Variants in DEPDC5 observed in about 807,000 individuals in gnomAD.
DEPDC5 encodes the protein GATOR1 complex protein DEPDC5.
In DEPDC5, 73 loss-of-function variants were observed where a neutral mutation model predicts 217.3. The ratio of observed to expected loss-of-function variants is 0.34; its 90% confidence interval spans 0.28 to 0.41. The LOEUF (loss-of-function observed/expected upper bound fraction) is 0.41, where lower values mean the gene tolerates loss of function less well. DEPDC5 is among the 10% of genes least tolerant of loss of function. DEPDC5 has a pLI of 1.00. For missense variants in DEPDC5, 1,675 were observed against 2,070.1 expected, an observed-to-expected ratio of 0.81 and a Z score of 3.70; for synonymous variants, 733 against 756.7, an observed-to-expected ratio of 0.97 and a Z score of 0.51.
At chr22:31,812,493 C>T (rs1331838710) in intron 20 of DEPDC5, among the ~76,000 whole-genome samples, 1 of 141,740 alleles carries the variant, frequency 7.1e-6, no homozygotes, top group African/African-American at 2.6e-5. Flanking sequence ...GGCGCGATCT[C>T]GGCTCACTGC....
Position 31,819,040 on chromosome 22 carries a change from T to C in DEPDC5, c.1685T>C (p.Met562Thr). Residue 562 changes from methionine (M) to threonine (T), a missense_variant, in exon 22 of 43, where the codon ATG becomes ACG. Physicochemically the swap from Met to Thr is moderately conservative, Grantham distance 81 (BLOSUM62 -1). Transcript: ENST00000651528. ...TSTRDVLENM[M>T]EPPQRDSSAP... ...CTGGCAGATGTCCTGGAGAACATGATGGAGCCACCACAGCGAGACTCCAGT... is the reference window on the plus strand; with the variant it reads ...CTGGCAGATGTCCTGGAGAACATGACGGAGCCACCACAGCGAGACTCCAGT... 6.2e-7 allele frequency: 1 copy of C among 1,614,202 alleles called. No individual in the cohort carries two copies. The highest frequency in any genetic ancestry group is 8.5e-7 in the Non-Finnish European group (1 of 1,180,034).
At chr22:31,802,288 C>G (rs2086956821) in intron 14 of DEPDC5, among the ~76,000 whole-genome samples, 1 of 151,868 alleles carries the variant, frequency 6.6e-6, no homozygotes, top group African/African-American at 2.4e-5. Flanking sequence ...ATCACCATGC[C>G]TGGCTAATTT....
chr22:31,853,472 T>A (rs1188974626), intron 31 of DEPDC5: 1 of 152,230 alleles, frequency 6.6e-6, no homozygotes, highest in East Asian at 1.9e-4. Context: ...TTGTATAACA[T>A]TTGCTTGCAC....
chr22:31,771,390 G>A (rs1601696190), intron 7 of DEPDC5, among the ~76,000 whole-genome samples: 2 of 152,198 alleles, frequency 1.3e-5, no homozygotes, highest in Admixed American at 1.3e-4. Context: ...GTTCAAACCA[G>A]CCTGGACAAC....
At chr22:31,887,376 G>A (rs1267899360) in intron 38 of DEPDC5, among the ~76,000 whole-genome samples, 3 of 134,290 alleles carry the variant, frequency 2.2e-5, no homozygotes, top group East Asian at 2.2e-4. Context: ...CCGAGATTGC[G>A]CCATTGCACT....
At chr22:31,782,138 A>T (rs898864185) in intron 8 of DEPDC5, among the ~76,000 whole-genome samples, 377 of 143,180 alleles carry the variant, frequency 2.6e-3, no homozygotes, top group African/African-American at 9.0e-3. Context: ...TCTGAAAAAA[A>T]TTTTTTTTTT....
chr22:31,890,386 A>G (rs1039391043), intron 38 of DEPDC5: 2 of 152,310 alleles, frequency 1.3e-5, no homozygotes, highest in Admixed American at 6.5e-5. Context: ...TACAACATAG[A>G]CATCACTACT....
rs372568872 is a variant in DEPDC5, at chr22:31,876,246, G to T, written c.3786G>T (p.Thr1262=). The T allele has an allele frequency of 1.2e-6, 2 of 1,613,728 alleles. No individual in the cohort carries two copies. Among genetic ancestry groups the T allele is most frequent in the Non-Finnish European group, 1.7e-6 (2 of 1,179,978 alleles). The change falls in exon 37 of 43, where the codon ACG becomes ACT. Residue 1262 remains threonine (T), a synonymous_variant. Transcript: ENST00000651528. The part of the protein sequence containing the change: ...IYGFYFYKIV[T]DKEPDRVAMQ... Reference sequence around the variant, plus strand: ...GCTTCTATTTCTACAAGATAGTAACGGACAAAGAGCCCGACCGAGGTTAGA... The same window carrying T: ...GCTTCTATTTCTACAAGATAGTAACTGACAAAGAGCCCGACCGAGGTTAGA...
chr22:31,844,702 C>CT (rs136860), intron 29 of DEPDC5: 2,025 of 131,810 alleles, frequency 0.015, 181 homozygotes, highest in African/African-American at 0.071. Context: ...CTTCAGAGCT[C>CT]TTTTTTTTTT....
intron 1 of DEPDC5, 71 bp from the exon 2 acceptor site, chr22:31,754,791 G>T: frequency 9.9e-7 from 1 of 1,005,490 alleles, no homozygotes. Context: ...ATCTTCACTG[G>T]CCTAAAATCA....
intron 10 of DEPDC5, chr22:31,785,242 A>T (rs1239547141): frequency 6.1e-6 from 1 of 164,844 alleles, no homozygotes; most frequent in East Asian, 1.7e-4. Flanking sequence ...ATTCACAGAT[A>T]ATATGATCCT....
chr22:31,905,980 C>A lies in DEPDC5; in HGVS notation c.4437-4C>A. 6.2e-7 allele frequency: 1 copy of A among 1,613,870 alleles called. No individual in the cohort carries two copies. Among genetic ancestry groups the A allele is most frequent in the South Asian group, 1.1e-5 (1 of 91,058 alleles). On this transcript the variant is annotated splice_region_variant and splice_polypyrimidine_tract_variant and intron_variant, in intron 41 of 42. Coordinates refer to ENST00000651528, the MANE Select transcript of DEPDC5 (RefSeq NM_001242896.3). ...GATTAGCATGTCTTCCTGTCCTTCC[C>A]TAGGTTTGGGTTTGTACAAGATAAA...
intron 18 of DEPDC5, among the ~76,000 whole-genome samples, chr22:31,807,611 T>G (rs1441929272): frequency 2.0e-5 from 3 of 152,150 alleles, no homozygotes; most frequent in Non-Finnish European, 4.4e-5. Context: ...TTTTGTATTT[T>G]TAGTGGAGAC....
intron 28 of DEPDC5, 121 bp downstream of exon 28, chr22:31,843,333 TTTTG>T (rs1158208106): frequency 9.2e-5 from 99 of 1,071,086 alleles, no homozygotes; most frequent in East Asian, 8.3e-4. Flanking sequence ...TCTTTTGGAG[TTTTG>T]TTTGTTTGTT....
chr22:31,794,959 T>A (rs2059408912), intron 12 of DEPDC5, among the ~76,000 whole-genome samples: 1 of 152,070 alleles, frequency 6.6e-6, no homozygotes, highest in Non-Finnish European at 1.5e-5. Context: ...CACACTCAAT[T>A]CCATCTACCA....
At chr22:31,830,922 G>A (rs2090552485) in intron 24 of DEPDC5, 1 of 152,070 alleles carries the variant, frequency 6.6e-6, no homozygotes, top group South Asian at 2.1e-4. Flanking sequence ...TTATTGCTCA[G>A]AGTGTTTTGC....
At chr22:31,780,940 G>A (rs942349370) in intron 8 of DEPDC5, among the ~76,000 whole-genome samples, 7 of 152,186 alleles carry the variant, frequency 4.6e-5, no homozygotes, top group South Asian at 2.1e-4. Flanking sequence ...CATCTGGGCC[G>A]GGCGCGGTGG....
rs542708332 is a variant in DEPDC5 at position 31,795,250 on chromosome 22, A to G, written c.768-2350A>G. On this transcript the variant is annotated intron_variant, in intron 12 of 42. Transcript: ENST00000651528. ...ACACCTGGCTAATTTTTTTATTTTT[A>G]GTAGAGACGGGGTTTCACCATCTTG... Among the ~76,000 whole-genome samples, 24 of 151,636 alleles carry G rather than the reference A, an allele frequency of 1.6e-4. No homozygotes were observed. The East Asian group carries it at 4.5e-3, about 28-fold the overall frequency.
chr22:31,792,228 G>A, intron 11 of DEPDC5, 126 bp downstream of exon 11: 1 of 702,030 alleles, frequency 1.4e-6, no homozygotes, highest in Non-Finnish European at 2.5e-6. Flanking sequence ...CTGTTATGGG[G>A]ACAGTGTAAA....
Sources: gnomAD v4.1 joint callset for allele counts (sites outside exome capture counted in the v4.1 genomes callset) on GRCh38, gnomAD v4.1.1 for gene constraint, MANE v1.5 for transcripts, NCBI Gene and HGNC (gene_info 2026-07-23, HGNC 2026-07-21) for gene names.